PIK3CB: variants seen among roughly 807,000 people sequenced by gnomAD.
The protein encoded by PIK3CB is phosphatidylinositol 4,5-bisphosphate 3-kinase catalytic subunit beta isoform.
Under a neutral mutation model 136.8 loss-of-function variants are expected in PIK3CB, and 39 were observed. The ratio of observed to expected loss-of-function variants is 0.29; its 90% confidence interval spans 0.22 to 0.37. The LOEUF is 0.37. PIK3CB is among the 10% of genes least tolerant of loss of function. PIK3CB has a pLI of 1.00. For synonymous variants in PIK3CB, 428 were observed against 436.6 expected, an observed-to-expected ratio of 0.98 and a Z score of 0.25; for missense variants, 868 against 1,275.4, an observed-to-expected ratio of 0.68 and a Z score of 4.87.
chr3:138,744,312 G>A (rs755079797), intron 4 of PIK3CB, among the ~76,000 whole-genome samples: 8 of 147,860 alleles, frequency 5.4e-5, no homozygotes, highest in Non-Finnish European at 1.0e-4. Context: ...GGAGAATGGC[G>A]TGAACCCGGG....
intron 5 of PIK3CB, among the ~76,000 whole-genome samples, chr3:138,738,327 A>C (rs1413386962): frequency 6.6e-6 from 1 of 152,028 alleles, no homozygotes; most frequent in Non-Finnish European, 1.5e-5. Context: ...GTGCACCACC[A>C]CGCCTGGCTA....
rs570562439 is a variant in PIK3CB at position 138,684,902 on chromosome 3, A to C, written c.2137-99T>G. The C allele has an allele frequency of 3.5e-4, 268 of 757,818 alleles. 1 individual carries two copies. Among genetic ancestry groups the C allele is most frequent in the Middle Eastern group, 8.7e-4 (3 of 3,456 alleles). 46.9% of individuals were successfully genotyped at this position (757,818 alleles called of 1,614,324 possible). A position where few individuals can be genotyped will look rare whatever the true frequency, so the allele number is the denominator to read the frequency against. ...AATAACACCTGCTCCCAACATATAC[A>C]CATAACCATAAACACACATAACCAG... is the stretch of plus-strand genomic sequence containing the variant. On this transcript the variant is annotated intron_variant, in intron 16 of 23. Coordinates refer to ENST00000674063, the MANE Select transcript of PIK3CB (RefSeq NM_006219.3).
At chr3:138,810,371 CTT>C (rs1230741692) in intron 1 of PIK3CB, among the ~76,000 whole-genome samples, 1 of 152,028 alleles carries the variant, frequency 6.6e-6, no homozygotes, top group African/African-American at 2.4e-5. Flanking sequence ...GAAAGAGTAA[CTT>C]TATAGCAGGG....
intron 14 of PIK3CB, among the ~76,000 whole-genome samples, chr3:138,694,342 G>A (rs901705167): frequency 6.6e-6 from 1 of 152,232 alleles, no homozygotes; most frequent in African/African-American, 2.4e-5. Flanking sequence ...TTCCCTTGCA[G>A]ACTTGTATTA....
chr3:138,684,485 C>T (rs2043842137), intron 17 of PIK3CB, 140 bp downstream of exon 17: 1 of 506,234 alleles, frequency 2.0e-6, no homozygotes, highest in Non-Finnish European at 3.4e-6. Flanking sequence ...TAAGCATAGC[C>T]TCGGAGAACT....
intron 1 of PIK3CB, among the ~76,000 whole-genome samples, chr3:138,823,566 G>C (rs1472941129): frequency 6.6e-6 from 1 of 152,088 alleles, no homozygotes; most frequent in African/African-American, 2.4e-5. Context: ...AGCTGGGCGT[G>C]GTGGCGCATG....
At chr3:138,759,925 A>AC (rs1559867214) in intron 2 of PIK3CB, among the ~76,000 whole-genome samples, 2 of 144,988 alleles carry the variant, frequency 1.4e-5, no homozygotes, top group South Asian at 2.2e-4. Flanking sequence ...TACAAGGACA[A>AC]TTTTTTTTTT....
At chr3:138,783,885 T>C (rs190015518) in intron 2 of PIK3CB, among the ~76,000 whole-genome samples, 341 of 152,078 alleles carry the variant, frequency 2.2e-3, no homozygotes, top group Non-Finnish European at 3.0e-3. Context: ...ACAAAAAAAA[T>C]TGGGATAATA....
At chr3:138,802,990 A>G (rs1187876889) in intron 1 of PIK3CB, among the ~76,000 whole-genome samples, 4 of 152,240 alleles carry the variant, frequency 2.6e-5, no homozygotes, top group African/African-American at 9.6e-5. Context: ...GTACAAAAGA[A>G]AAATCTTATG....
intron 1 of PIK3CB, among the ~76,000 whole-genome samples, chr3:138,802,654 G>C (rs1373411869): frequency 6.6e-6 from 1 of 152,032 alleles, no homozygotes. Context: ...ACTGTATTTT[G>C]AGTACCAATC....
chr3:138,733,390 T>C lies in PIK3CB; in HGVS notation c.1021A>G (p.Asn341Asp). 6.4e-7 allele frequency: 1 copy of C among 1,573,326 alleles called. No individual in the cohort carries two copies. The highest frequency in any genetic ancestry group is 8.7e-7 in the Non-Finnish European group (1 of 1,145,640). The change falls in exon 8 of 24, where the codon AAT (asparagine) becomes GAT (aspartate). Residue 341 changes from asparagine (N) to aspartate (D), a missense_variant. Coordinates refer to ENST00000674063, the MANE Select transcript of PIK3CB (RefSeq NM_006219.3). ...NPFQIVLVKGNKLNTEETVKV... is the reference protein window; with the variant it reads ...NPFQIVLVKGDKLNTEETVKV... The stretch of plus-strand genomic sequence containing the variant: ...ACAGTTTCCTCTGTGTTAAGTTTAT[T>C]TCCCTTAACCAAGACAATTTGGAAA...
chr3:138,773,982 G>A (rs994946834), intron 2 of PIK3CB, among the ~76,000 whole-genome samples: 15 of 152,118 alleles, frequency 9.9e-5, no homozygotes, highest in African/African-American at 3.4e-4. Flanking sequence ...AAATTAATAG[G>A]ACAAAGACTA....
intron 1 of PIK3CB, among the ~76,000 whole-genome samples, chr3:138,801,093 G>A (rs188321075): frequency 2.0e-5 from 3 of 152,160 alleles, no homozygotes; most frequent in South Asian, 2.1e-4. Flanking sequence ...CAGTAAGTTC[G>A]ATAAAAGTTT....
intron 2 of PIK3CB, among the ~76,000 whole-genome samples, chr3:138,769,391 G>A (rs546911412): frequency 2.1e-4 from 32 of 152,240 alleles, no homozygotes; most frequent in Middle Eastern, 6.8e-3. Flanking sequence ...TTCTTGAAGG[G>A]TAAAGAAGCT....
chr3:138,804,841 G>A (rs2046213928), intron 1 of PIK3CB, among the ~76,000 whole-genome samples: 2 of 152,156 alleles, frequency 1.3e-5, no homozygotes, highest in South Asian at 4.1e-4. Context: ...TGGCTAACAT[G>A]GTGAAACCCC....
intron 2 of PIK3CB, chr3:138,778,783 G>T (rs748083897): frequency 3.3e-4 from 89 of 267,684 alleles, no homozygotes; most frequent in Non-Finnish European, 5.5e-4. Flanking sequence ...GCAACAGGGT[G>T]GTAGACCTTA....
Position 138,825,926 on chromosome 3 carries a change from A to G in PIK3CB, c.-122+8769T>C, listed in dbSNP as rs145150024. 5,220 of 1,558,310 alleles carry G rather than the reference A, an allele frequency of 3.3e-3. 12 individuals are homozygous for G. The highest frequency in any genetic ancestry group is 3.8e-3 in the Non-Finnish European group (4,444 of 1,156,384). Reference sequence around the variant, plus strand: ...TCATCACGGCAACGTTGCTGGTGACAGCAAAAATGACCCACCAATGGAAGC... The same window carrying G: ...TCATCACGGCAACGTTGCTGGTGACGGCAAAAATGACCCACCAATGGAAGC... On this transcript the variant is annotated intron_variant, in intron 1 of 23. Transcript: ENST00000674063.
intron 1 of PIK3CB, among the ~76,000 whole-genome samples, chr3:138,816,445 T>A (rs1213209767): frequency 6.6e-6 from 1 of 150,856 alleles, no homozygotes; most frequent in Non-Finnish European, 1.5e-5. Context: ...AATACAAAAA[T>A]TAACCGGGCA....
Position 138,742,559 on chromosome 3 carries a change from T to C in PIK3CB, c.620A>G (p.Gln207Arg), listed in dbSNP as rs1179285053. The C allele has an allele frequency of 3.5e-6, 5 of 1,413,866 alleles. No individual in the cohort carries two copies. Among genetic ancestry groups the C allele is most frequent in the Non-Finnish European group, 4.9e-6 (5 of 1,011,692 alleles). The allele number at this position is 1,413,866 out of a possible 1,614,324, so 87.6% of individuals were successfully genotyped here. A position where few individuals can be genotyped will look rare whatever the true frequency, so the allele number is the denominator to read the frequency against. ...LIVAVHFENCQDVFSFQVSPN... is the reference protein window; with the variant it reads ...LIVAVHFENCRDVFSFQVSPN... ...TTTCTTAAAAAAATATAATCCTACCTGGCAGTTTTCAAAATGAACAGCTAC... is the reference window on the plus strand; with the variant it reads ...TTTCTTAAAAAAATATAATCCTACCCGGCAGTTTTCAAAATGAACAGCTAC... Residue 207 changes from glutamine to arginine, a missense_variant and splice_region_variant, in exon 5 of 24, where the codon CAG becomes CGG. By Grantham distance (43) the Gln-to-Arg change is conservative. Transcript: ENST00000674063.
Sources: gnomAD v4.1 joint callset for allele counts (sites outside exome capture counted in the v4.1 genomes callset) on GRCh38, gnomAD v4.1.1 for gene constraint, MANE v1.5 for transcripts, NCBI Gene and HGNC (gene_info 2026-07-23, HGNC 2026-07-21) for gene names.